Variants in ATP2C1 observed in about 807,000 individuals in gnomAD.
ATP2C1 encodes the protein ATPase secretory pathway Ca2+ transporting 1.
Under a neutral mutation model 120.5 loss-of-function variants are expected in ATP2C1, and 31 were observed. The observed-to-expected ratio is 0.26, with a 90% confidence interval of 0.19 to 0.35. ATP2C1 has a LOEUF of 0.35. ATP2C1 is among the 10% of genes least tolerant of loss of function. The pLI, the probability that ATP2C1 is intolerant of heterozygous loss-of-function variation, is 1.00. For synonymous variants in ATP2C1, 351 were observed against 358.7 expected (o/e 0.98, Z 0.24); for missense variants, 731 against 1,107.5 (o/e 0.66, Z 4.83).
At chr3:130,980,510 G>T in intron 19 of ATP2C1, 72 bp from the exon 20 acceptor site, 1 of 1,006,534 alleles carries the variant, frequency 9.9e-7, no homozygotes, top group South Asian at 1.3e-5. Flanking sequence ...CATACTAAAT[G>T]AGCATTACGT....
downstream of ATP2C1, among the ~76,000 whole-genome samples, chr3:131,005,269 CCAT>C (rs1264270272): frequency 6.6e-6 from 1 of 151,924 alleles, no homozygotes; most frequent in African/African-American, 2.4e-5. Flanking sequence ...GTGCACACCA[CCAT>C]GTCTGGCTAA....
In ATP2C1 at chr3:130,941,581, C is replaced by T. The variant is rs750242113; in HGVS notation, c.423-10C>T. 6 of 1,603,704 alleles carry T rather than the reference C, an allele frequency of 3.7e-6. No individual in the cohort carries two copies. The highest frequency in any genetic ancestry group is 3.3e-5 in the Admixed American group (2 of 59,846). On this transcript the variant is annotated splice_polypyrimidine_tract_variant and intron_variant, in intron 7 of 27. Transcript: ENST00000510168. ...TTTTTAACCATGGTTGTTTCTATTT[C>T]GTGTTACAGTGTGCGTGAAGGAAAA... is the stretch of plus-strand genomic sequence containing the variant.
At chr3:130,926,068 G>A (rs969425180) in intron 2 of ATP2C1, among the ~76,000 whole-genome samples, 23 of 152,186 alleles carry the variant, frequency 1.5e-4, no homozygotes, top group Admixed American at 1.5e-3. Context: ...CCTTGAGAAA[G>A]CAAATGGACT....
At chr3:130,931,817 C>T (rs942562582) in intron 3 of ATP2C1, among the ~76,000 whole-genome samples, 8 of 152,060 alleles carry the variant, frequency 5.3e-5, no homozygotes, top group Non-Finnish European at 7.4e-5. Flanking sequence ...CCAGAAAGCT[C>T]CCCCATGTCC....
chr3:130,924,701 C>T (rs2059124738), intron 2 of ATP2C1, among the ~76,000 whole-genome samples: 2 of 152,110 alleles, frequency 1.3e-5, no homozygotes, highest in Non-Finnish European at 2.9e-5. Context: ...CTCAGGAACA[C>T]GAATTATTTT....
At chr3:131,014,998 C>T (rs1458140581) in intron 26 of ATP2C1, among the ~76,000 whole-genome samples, 1 of 152,104 alleles carries the variant, frequency 6.6e-6, no homozygotes, top group Non-Finnish European at 1.5e-5. Flanking sequence ...TTTTGCATTT[C>T]CTGTTTTGTT....
intron 2 of ATP2C1, among the ~76,000 whole-genome samples, chr3:130,921,154 T>C (rs1315243448): frequency 6.9e-6 from 1 of 145,908 alleles, no homozygotes; most frequent in Admixed American, 7.0e-5. Flanking sequence ...CAGTCTTGGG[T>C]CAGTGCAACC....
rs2060571501 is a variant in ATP2C1 at position 130,956,139 on chromosome 3, C to G, written c.792C>G (p.Leu264=). Reference sequence around the variant, plus strand: ...CCCCTCTGCAGAAGAGCATGGACCTCTTAGGAAAACAACTTTCCTTTTACT... The same window carrying G: ...CCCCTCTGCAGAAGAGCATGGACCTGTTAGGAAAACAACTTTCCTTTTACT... The part of the protein sequence containing the change: ...PKTPLQKSMD[L]LGKQLSFYSF... Residue 264 remains leucine, a synonymous_variant, in exon 11 of 28, where the codon CTC becomes CTG. Coordinates refer to ENST00000510168, the MANE Select transcript of ATP2C1 (RefSeq NM_001378687.1). The G allele has an allele frequency of 1.9e-6, 3 of 1,610,786 alleles. No homozygotes were observed. Among genetic ancestry groups the G allele is most frequent in the Non-Finnish European group, 2.5e-6 (3 of 1,177,356 alleles).
exon 27 of ATP2C1, chr3:131,016,344 A>G (rs1363220740): frequency 3.7e-6 from 6 of 1,614,102 alleles, no homozygotes; most frequent in Non-Finnish European, 4.2e-6. Flanking sequence ...CCTTACCTAA[A>G]TAAAGAAACA....
At chr3:130,995,580 C>A (rs1391190514) in intron 22 of ATP2C1, among the ~76,000 whole-genome samples, 1 of 152,084 alleles carries the variant, frequency 6.6e-6, no homozygotes, top group African/African-American at 2.4e-5. Context: ...GACTTTAATT[C>A]TTTGCTAAAA....
At chr3:130,963,792 C>G (rs1370450807) in intron 12 of ATP2C1, 179 bp from the exon 13 acceptor site, 12 of 670,978 alleles carry the variant, frequency 1.8e-5, no homozygotes, top group Non-Finnish European at 3.0e-5. Flanking sequence ...CTGTGCTTAA[C>G]CTGGCAGCTA....
intron 2 of ATP2C1, among the ~76,000 whole-genome samples, chr3:130,906,586 A>G (rs1019292972): frequency 2.0e-5 from 3 of 151,824 alleles, no homozygotes; most frequent in Admixed American, 2.0e-4. Context: ...AGTAACTGCC[A>G]TAGTGGTTGA....
intron 3 of ATP2C1, among the ~76,000 whole-genome samples, chr3:130,931,772 C>T (rs974196530): frequency 6.6e-6 from 1 of 151,848 alleles, no homozygotes; most frequent in Non-Finnish European, 1.5e-5. Flanking sequence ...CAAATGTAAT[C>T]ACCACCACCA....
chr3:131,004,325 G>A (rs2063018566), downstream of ATP2C1, among the ~76,000 whole-genome samples: 1 of 152,196 alleles, frequency 6.6e-6, no homozygotes, highest in Non-Finnish European at 1.5e-5. Flanking sequence ...GTACGTGATT[G>A]GACAGACAGA....
Position 130,882,480 on chromosome 3 carries a change from C to T in ATP2C1, c.108+31552C>T, listed in dbSNP as rs572192415. On this transcript the variant is annotated intron_variant, in intron 1 of 26. Transcript: ENST00000504381. ...CATCCCAAAGTGCTGGGATTACAGA[C>T]GTGAGCCACCATGCCCAGCACAACT... 9.9e-4 allele frequency among the ~76,000 whole-genome samples: 151 copies of T among 152,198 alleles called. 2 individuals are homozygous for T. The South Asian group carries it at 0.017, about 18-fold the overall frequency.
chr3:130,996,921 G>A, intron 24 of ATP2C1, 125 bp downstream of exon 24: 2 of 757,894 alleles, frequency 2.6e-6, no homozygotes, highest in Non-Finnish European at 4.7e-6. Flanking sequence ...TAACATTTAT[G>A]TTATAAATTG....
intron 1 of ATP2C1, among the ~76,000 whole-genome samples, chr3:130,886,446 C>T (rs1213134354): frequency 6.6e-5 from 10 of 152,152 alleles, no homozygotes; most frequent in East Asian, 1.9e-4. Flanking sequence ...TTTTTCTCTA[C>T]GTCCTCTTTA....
chr3:130,889,638 CTTTTTTTTTT>C (rs1170424148), upstream of ATP2C1, among the ~76,000 whole-genome samples: 7 of 77,650 alleles, frequency 9.0e-5, no homozygotes, highest in African/African-American at 1.2e-4. Context: ...ATTCTTTAAA[CTTTTTTTTTT>C]TTTTTTTTTT....
At chr3:130,855,711 G>C (rs2067817246) in intron 1 of ATP2C1, among the ~76,000 whole-genome samples, 1 of 152,196 alleles carries the variant, frequency 6.6e-6, no homozygotes, top group African/African-American at 2.4e-5. Flanking sequence ...TGGGTCCAGA[G>C]AATAGGTGAT....
Sources: allele counts gnomAD v4.1 joint callset (sites outside exome capture counted in the v4.1 genomes callset), GRCh38; gene constraint gnomAD v4.1.1; transcripts MANE v1.5; gene names NCBI Gene and HGNC (gene_info 2026-07-23, HGNC 2026-07-21).